SWT1: variants seen among roughly 807,000 people sequenced by gnomAD.
SWT1 encodes the protein transcriptional protein SWT1.
Under a neutral mutation model 107.3 loss-of-function variants are expected in SWT1, and 33 were observed. The observed-to-expected ratio is 0.31, with a 90% CI of 0.23 to 0.41. The LOEUF is 0.41. Ranked by LOEUF, SWT1 falls within the 10% of genes least tolerant of loss-of-function variation. The pLI, the probability that SWT1 is intolerant of heterozygous loss-of-function variation, is 1.00. For missense variants in SWT1, 898 were observed against 1,028.9 expected (o/e 0.87, Z 1.74); for synonymous variants, 345 against 348.3 (o/e 0.99, Z 0.11).
intron 15 of SWT1, 31 bp from the exon 16 acceptor site, chr1:185,231,546 C>A (rs769040255): frequency 1.2e-5 from 18 of 1,538,176 alleles, no homozygotes; most frequent in Non-Finnish European, 1.6e-5. Context: ...TGTATGTATA[C>A]CTATGAGTAT....
intron 1 of SWT1, among the ~76,000 whole-genome samples, chr1:185,157,804 G>A (rs552624307): frequency 6.6e-6 from 1 of 152,276 alleles, no homozygotes; most frequent in East Asian, 1.9e-4. Context: ...AATAACCAGA[G>A]CTCTGAGTGG....
At chr1:185,269,007 T>A (rs538436061) in intron 16 of SWT1, among the ~76,000 whole-genome samples, 2 of 151,774 alleles carry the variant, frequency 1.3e-5, no homozygotes, top group African/African-American at 4.8e-5. Flanking sequence ...CGCCCGCCAC[T>A]ACGCCCGGCT....
chr1:185,290,615 G>A, intron 18 of SWT1, 59 bp from the exon 19 acceptor site: 1 of 1,312,880 alleles, frequency 7.6e-7, no homozygotes, highest in South Asian at 2.0e-5. Flanking sequence ...AAATGAAAAA[G>A]AATTTTTATT....
intron 16 of SWT1, among the ~76,000 whole-genome samples, chr1:185,245,773 A>T (rs1661562273): frequency 6.6e-6 from 1 of 151,662 alleles, no homozygotes; most frequent in South Asian, 2.1e-4. Context: ...TTACATTATA[A>T]TCTTTTTTTT....
intron 18 of SWT1, among the ~76,000 whole-genome samples, chr1:185,279,488 C>T (rs1413603892): frequency 6.6e-6 from 1 of 151,618 alleles, no homozygotes; most frequent in Non-Finnish European, 1.5e-5. Context: ...CTCTTTTATA[C>T]CCAGAAGGAT....
At chr1:185,219,546 C>T (rs1659477231) in intron 14 of SWT1, among the ~76,000 whole-genome samples, 1 of 152,116 alleles carries the variant, frequency 6.6e-6, no homozygotes, top group Non-Finnish European at 1.5e-5. Context: ...TCACAGGGAA[C>T]TTAAGCCTAG....
At chr1:185,245,318 A>C (rs1661527909) in intron 16 of SWT1, among the ~76,000 whole-genome samples, 1 of 152,198 alleles carries the variant, frequency 6.6e-6, no homozygotes, top group South Asian at 2.1e-4. Flanking sequence ...ACACAGGGTC[A>C]GGATCATCAG....
chr1:185,244,187 C>T (rs1429198235), intron 16 of SWT1, among the ~76,000 whole-genome samples: 1 of 152,136 alleles, frequency 6.6e-6, no homozygotes, highest in Non-Finnish European at 1.5e-5. Context: ...GTCCTCTCGC[C>T]TCAGCCTCCT....
intron 5 of SWT1, chr1:185,177,157 C>A: frequency 3.9e-6 from 2 of 513,744 alleles, no homozygotes; most frequent in Non-Finnish European, 5.0e-6. Flanking sequence ...TTTGTTTTCA[C>A]TGCTTTCTTA....
intron 16 of SWT1, among the ~76,000 whole-genome samples, chr1:185,237,523 G>A (rs1022638060): frequency 3.6e-4 from 55 of 152,120 alleles, no homozygotes; most frequent in Non-Finnish European, 5.3e-4. Flanking sequence ...GACACAGGGA[G>A]GGGAACATCA....
chr1:185,230,851 G>A (rs907588707), intron 15 of SWT1, among the ~76,000 whole-genome samples: 2 of 151,970 alleles, frequency 1.3e-5, no homozygotes, highest in Non-Finnish European at 1.5e-5. Context: ...GGGTTCAAGC[G>A]ATCCTCCCAC....
chr1:185,168,332 T>TAA lies in SWT1; in HGVS notation c.166-7_166-6insAA, dbSNP rs59365489. The TAA allele has an allele frequency of 0.39, 467,275 of 1,213,106 alleles. 103,871 individuals are homozygous for TAA. Among genetic ancestry groups the TAA allele is most frequent in the African/African-American group, 0.75 (45,471 of 60,770 alleles). The allele number at this position is 1,213,106 out of a possible 1,614,324, so 75.1% of individuals were successfully genotyped here. ...ACAATTTATGTGTCCTTTTTTTATT[T>TAA]ATTTCAGAAATCAGATCATACAGAT... On this transcript the variant is annotated splice_polypyrimidine_tract_variant and splice_region_variant and intron_variant, in intron 3 of 18. Coordinates refer to ENST00000367500, the MANE Select transcript of SWT1 (RefSeq NM_017673.7).
intron 12 of SWT1, 55 bp from the exon 13 acceptor site, chr1:185,206,570 T>C: frequency 9.0e-7 from 1 of 1,112,246 alleles, no homozygotes; most frequent in Non-Finnish European, 1.2e-6. Flanking sequence ...AGGTACTTTT[T>C]AATAATTGGA....
chr1:185,269,068 G>A (rs1663633193), intron 16 of SWT1, among the ~76,000 whole-genome samples: 2 of 151,970 alleles, frequency 1.3e-5, no homozygotes, highest in Admixed American at 6.6e-5. Context: ...TAGCCAGGAT[G>A]GTCTCGATCT....
chr1:185,261,009 G>A (rs1247234285), intron 16 of SWT1, among the ~76,000 whole-genome samples: 1 of 151,926 alleles, frequency 6.6e-6, no homozygotes, highest in African/African-American at 2.4e-5. Flanking sequence ...ATTTTTAATT[G>A]TGGGAAAATG....
At chr1:185,160,973 TG>T in intron 2 of SWT1, 48 bp downstream of exon 2, 1 of 1,407,190 alleles carries the variant, frequency 7.1e-7, no homozygotes, top group Non-Finnish European at 9.9e-7. Context: ...AATTTATTTT[TG>T]CTTAATGAAA....
rs1287805294 is a variant in SWT1, at chr1:185,180,270, G to T, written c.967-121G>T. On this transcript the variant is annotated intron_variant, in intron 5 of 18. Coordinates refer to ENST00000367500, the MANE Select transcript of SWT1 (RefSeq NM_017673.7). ...GGTCAGTGATGCTGCTAACCATCCT[G>T]CAATATACAGGGCAACCCCTAAAGT... 4.0e-6 allele frequency: 3 copies of T among 740,760 alleles called. No individual in the cohort carries two copies. The Admixed American group carries it at 6.5e-5, about 16-fold the overall frequency. 45.9% of individuals were successfully genotyped at this position (740,760 alleles called of 1,614,324 possible).
chr1:185,280,882 CCT>C (rs1245946433), intron 18 of SWT1: 1 of 463,052 alleles, frequency 2.2e-6, no homozygotes, highest in Non-Finnish European at 4.4e-6. Flanking sequence ...TGGTCTACCC[CCT>C]GTTGCTTCTC....
intron 16 of SWT1, among the ~76,000 whole-genome samples, chr1:185,257,637 G>A (rs1390147174): frequency 1.3e-5 from 2 of 152,200 alleles, no homozygotes; most frequent in Admixed American, 6.5e-5. Flanking sequence ...CCCTGCTTCG[G>A]CTCGCACATG....
Sources: allele counts gnomAD v4.1 joint callset (sites outside exome capture counted in the v4.1 genomes callset), GRCh38; gene constraint gnomAD v4.1.1; transcripts MANE v1.5; gene names NCBI Gene and HGNC (gene_info 2026-07-23, HGNC 2026-07-21).